Variants in ACAP1 observed in about 807,000 individuals in gnomAD.
ACAP1 encodes arf-GAP with coiled-coil, ANK repeat and PH domain-containing protein 1.
Under a neutral mutation model 98.8 loss-of-function variants are expected in ACAP1, and 45 were observed. That is an observed-to-expected ratio of 0.46 (90% CI 0.36 to 0.58). The LOEUF is 0.58. ACAP1 is among the 20% of genes least tolerant of loss of function. The probability of loss-of-function intolerance (pLI) is 0.00; values close to 1 mark genes in which losing one functional copy is unlikely to be tolerated. For missense variants in ACAP1, 735 were observed against 971.4 expected (o/e 0.76, Z 3.24); for synonymous variants, 362 against 375.3 (o/e 0.96, Z 0.41).
At chr17:7,345,235 G>C (rs928193118) in intron 10 of ACAP1, 2 of 152,214 alleles carry the variant, frequency 1.3e-5, no homozygotes, top group African/African-American at 4.8e-5. Flanking sequence ...TCCCTTCTAG[G>C]GCCACTGCTA....
At chr17:7,339,016 T>C (rs1054213670) in intron 2 of ACAP1, among the ~76,000 whole-genome samples, 9 of 150,862 alleles carry the variant, frequency 6.0e-5, no homozygotes, top group South Asian at 2.1e-4. Flanking sequence ...CTCGGCCAGG[T>C]GTGGTGGCTC....
intron 10 of ACAP1, 162 bp from the exon 11 acceptor site, chr17:7,346,082 T>C (rs1676102967): frequency 8.4e-6 from 6 of 711,644 alleles, no homozygotes; most frequent in Non-Finnish European, 1.3e-5. Flanking sequence ...CTTTAGATGT[T>C]CCAATCTGCA....
rs1045070487 is a variant in ACAP1, at chr17:7,344,690, A to T, written c.854+42A>T. The stretch of plus-strand genomic sequence containing the variant: ...CCCAATCAGCCCGCCCCACCCAATG[A>T]TGTATTTTCGAGTGGTAATAGCACA... On this transcript the variant is annotated intron_variant, in intron 10 of 21. Coordinates refer to ENST00000158762, the MANE Select transcript of ACAP1 (RefSeq NM_014716.4). The surrounding 1 kb of genome is among the most constrained non-coding windows in gnomAD (Gnocchi z 4.9). The T allele has an allele frequency of 2.1e-6, 3 of 1,456,286 alleles. No homozygotes were observed. Among genetic ancestry groups the T allele is most frequent in the Non-Finnish European group, 2.8e-6 (3 of 1,060,692 alleles). The allele number at this position is 1,456,286 out of a possible 1,614,324, so 90.2% of individuals were successfully genotyped here. A position where few individuals can be genotyped will look rare whatever the true frequency, so the allele number is the denominator to read the frequency against.
chr17:7,348,228 T>C lies in ACAP1; in HGVS notation c.1508+7T>C, dbSNP rs760780174. 41 of 1,613,020 alleles carry C rather than the reference T, an allele frequency of 2.5e-5. No individual in the cohort carries two copies. The highest frequency in any genetic ancestry group is 5.3e-5 in the African/African-American group (4 of 74,882). On this transcript the variant is annotated splice_region_variant and intron_variant, in intron 16 of 21. Transcript: ENST00000158762. ...CAGGGCCCAGCTGCTCCCGGTGAGC[T>C]TGGGGTTTAGCCTCCCAGGGGAATG...
intron 18 of ACAP1, 147 bp downstream of exon 18, chr17:7,349,314 AAG>A: frequency 2.3e-6 from 2 of 859,252 alleles, no homozygotes; most frequent in East Asian, 2.7e-5. Flanking sequence ...ACTGGTTGCT[AAG>A]AGTGTGTGAT....
chr17:7,351,296 A>G lies in ACAP1; in HGVS notation c.2124A>G (p.Gly708=), dbSNP rs759042635. 9 of 1,612,290 alleles carry G rather than the reference A, an allele frequency of 5.6e-6. No individual in the cohort carries two copies. The highest frequency in any genetic ancestry group is 7.6e-6 in the Non-Finnish European group (9 of 1,178,816). Reference sequence around the variant, plus strand: ...CCCGGCCTTTCCTCCCTCCCCCAGGAGATGAGACGTATCTTGACATCTTCC... The same window carrying G: ...CCCGGCCTTTCCTCCCTCCCCCAGGGGATGAGACGTATCTTGACATCTTCC... ...REAEAAQGQA[G]DETYLDIFRD... The change falls in exon 22 of 22, where the codon GGA becomes GGG. Residue 708 remains glycine, a splice_region_variant and synonymous_variant. Transcript: ENST00000158762.
intron 14 of ACAP1, 154 bp from the exon 15 acceptor site, chr17:7,347,768 G>A (rs952538081): frequency 9.4e-6 from 6 of 640,268 alleles, no homozygotes; most frequent in South Asian, 3.6e-5. Context: ...GCTACATGGC[G>A]GTTACATGGC....
chr17:7,347,032 G>A lies in ACAP1; in HGVS notation c.1133G>A (p.Gly378Asp), dbSNP rs1317724757. The change falls in exon 14 of 22, where the codon GGC becomes GAC. Residue 378 changes from glycine (G) to aspartate (D), a missense_variant and splice_region_variant. By Grantham distance (94) the Gly-to-Asp change is moderately conservative. Around this residue, in one of 5 missense-constraint regions of ACAP1, gnomAD observed 430 missense variants for 531.8 expected, o/e 0.81. Coordinates refer to ENST00000158762, the MANE Select transcript of ACAP1 (RefSeq NM_014716.4). Reference sequence around the variant, plus strand: ...CCTTTCTTCCCCTCTCTCCCCCAGGGCTCAGGACACCTGGCCATAGGCTCT... The same window carrying A: ...CCTTTCTTCCCCTCTCTCCCCCAGGACTCAGGACACCTGGCCATAGGCTCT... ...LDDSPRGPGQ[G>D]SGHLAIGSAA... 6.3e-7 allele frequency: 1 copy of A among 1,585,040 alleles called. No homozygotes were observed. Among genetic ancestry groups the A allele is most frequent in the Non-Finnish European group, 8.6e-7 (1 of 1,162,112 alleles).
chr17:7,340,504 T>C (rs2073265211), intron 2 of ACAP1, among the ~76,000 whole-genome samples: 2 of 152,160 alleles, frequency 1.3e-5, no homozygotes, highest in African/African-American at 4.8e-5. Context: ...TTTGTGAACA[T>C]CCTTGTACCT....
At position 7,348,223 on chromosome 17, in the gene ACAP1, T is replaced by C; in HGVS notation, c.1508+2T>C. ...GAAACCAGGGCCCAGCTGCTCCCGG[T>C]GAGCTTGGGGTTTAGCCTCCCAGGG... is the stretch of plus-strand genomic sequence containing the variant. On this transcript the variant is annotated splice_donor_variant, in intron 16 of 21. Coordinates refer to ENST00000158762, the MANE Select transcript of ACAP1 (RefSeq NM_014716.4). LOFTEE classifies it high-confidence loss of function. 1 of 1,613,302 alleles carries C rather than the reference T, an allele frequency of 6.2e-7. No individual in the cohort carries two copies. Among genetic ancestry groups the C allele is most frequent in the Non-Finnish European group, 8.5e-7 (1 of 1,179,630 alleles).
At chr17:7,349,883 C>T (rs1032146682) in intron 18 of ACAP1, 62 bp from the exon 19 acceptor site, 1 of 1,352,338 alleles carries the variant, frequency 7.4e-7, no homozygotes, top group African/African-American at 1.5e-5. Flanking sequence ...CACCCTAAGA[C>T]ATCTTGAAAT....
rs200864606 is a variant in ACAP1, at chr17:7,351,378, G to C, written c.2206G>C (p.Asp736His). 23 of 1,613,054 alleles carry C rather than the reference G, an allele frequency of 1.4e-5. No homozygotes were observed. Among genetic ancestry groups the C allele is most frequent in the Middle Eastern group, 1.6e-4 (1 of 6,076 alleles). Reference protein sequence around the residue: ...DPEKLSRRSHDLHTL With the variant: ...DPEKLSRRSHHLHTL ...GGAGAAGCTGAGCCGTCGCAGTCATGACCTCCACACGCTGTGACCCGAGGC... is the reference window on the plus strand; with the variant it reads ...GGAGAAGCTGAGCCGTCGCAGTCATCACCTCCACACGCTGTGACCCGAGGC... Residue 736 changes from aspartate (D) to histidine (H), a missense_variant, in exon 22 of 22, where the codon GAC becomes CAC. By Grantham distance (81) the Asp-to-His change is moderately conservative (BLOSUM62 -1). Transcript: ENST00000158762.
In ACAP1 at chr17:7,350,695, G is replaced by A. The variant is rs189423812; in HGVS notation, c.2073-255G>A. ...GCGATCTCGGCTCACTGCAACCCCC[G>A]CCTCCCGGGTTCAAGCGATTCTCCT... On this transcript the variant is annotated intron_variant, in intron 20 of 21. Transcript: ENST00000158762. The surrounding 1 kb of genome is among the most constrained non-coding windows in gnomAD (Gnocchi z 4.6). 1 of 444,346 alleles carries A rather than the reference G, an allele frequency of 2.3e-6. No individual in the cohort carries two copies. The highest frequency in any genetic ancestry group is 4.1e-6 in the Non-Finnish European group (1 of 243,114). 27.5% of individuals were successfully genotyped at this position (444,346 alleles called of 1,614,324 possible).
chr17:7,347,282 G>T (rs1281906545), intron 14 of ACAP1, 40 bp downstream of exon 14: 1 of 1,565,398 alleles, frequency 6.4e-7, no homozygotes, highest in Non-Finnish European at 8.7e-7. Context: ...CACTCCTTCG[G>T]GCCACAGTGC....
intron 18 of ACAP1, 185 bp from the exon 19 acceptor site, chr17:7,349,760 T>C: frequency 1.8e-6 from 1 of 544,238 alleles, no homozygotes; most frequent in Non-Finnish European, 3.3e-6. Flanking sequence ...TATGGATTTA[T>C]ATATGAATAC....
In ACAP1 at chr17:7,342,459, A is replaced by T; in HGVS notation, c.329A>T (p.Gln110Leu). ...CAACACACACTGCAGCAGCAGATCC[A>T]GACCCTGGTCAAGGAGTGAGATGGG... is the stretch of plus-strand genomic sequence containing the variant. ...ATQHTLQQQI[Q>L]TLVKEGLRGF... The change falls in exon 5 of 22, where the codon CAG (glutamine) becomes CTG (leucine). Residue 110 changes from glutamine (Q) to leucine (L), a missense_variant. Around this residue, in one of 5 missense-constraint regions of ACAP1, gnomAD observed 430 missense variants for 531.8 expected, o/e 0.81. Coordinates refer to ENST00000158762, the MANE Select transcript of ACAP1 (RefSeq NM_014716.4). 6.2e-7 allele frequency: 1 copy of T among 1,614,174 alleles called. No individual in the cohort carries two copies. Among genetic ancestry groups the T allele is most frequent in the East Asian group, 2.2e-5 (1 of 44,870 alleles).
chr17:7,351,237 G>C (rs2073406863), intron 21 of ACAP1, 58 bp from the exon 22 acceptor site: 10 of 1,447,512 alleles, frequency 6.9e-6, no homozygotes, highest in Non-Finnish European at 7.6e-6. Flanking sequence ...CCAACCGCCG[G>C]ATCCTGCCCT....
Position 7,344,163 on chromosome 17 carries a change from A to G in ACAP1, c.744+40A>G. The G allele has an allele frequency of 6.5e-7, 1 of 1,547,318 alleles. No individual in the cohort carries two copies. The highest frequency in any genetic ancestry group is 8.7e-7 in the Non-Finnish European group (1 of 1,143,018). On this transcript the variant is annotated intron_variant, in intron 9 of 21. Transcript: ENST00000158762. This position sits in a 1 kb window ranked among gnomAD's most constrained non-coding sequence, Gnocchi z 4.9. ...GCGGTGGCCCACGACCGTCATCCCA[A>G]CATGTTGGGAGGCTGAGGTGGGAAG...
At chr17:7,336,860 A>G in intron 1 of ACAP1, 73 bp downstream of exon 1, 3 of 1,528,744 alleles carry the variant, frequency 2.0e-6, no homozygotes, top group South Asian at 2.2e-5. Flanking sequence ...ACCTTTCCCC[A>G]GGCCAGGTCT....
Sources: allele counts gnomAD v4.1 joint callset (sites outside exome capture counted in the v4.1 genomes callset), GRCh38; gene constraint gnomAD v4.1.1; regional missense constraint gnomAD v4.1.1; non-coding constraint Gnocchi (gnomAD v3.1); transcripts MANE v1.5; gene names NCBI Gene and HGNC (gene_info 2026-07-23, HGNC 2026-07-21).